The following AGBL4 variants were observed in gnomAD, a reference collection of about 807,000 sequenced individuals.
The protein encoded by AGBL4 is AGBL carboxypeptidase 4.
AGBL4 carries 58 observed loss-of-function variants against 66.4 expected under a neutral mutation model. The ratio of observed to expected loss-of-function variants is 0.87; its 90% confidence interval spans 0.71 to 1.09. The LOEUF is 1.09. AGBL4 is among the 50% of genes least tolerant of loss of function. AGBL4 has a pLI of 0.00. For missense variants in AGBL4, 579 were observed against 631.0 expected (o/e 0.92, Z 0.88); for synonymous variants, 234 against 222.9 (o/e 1.05, Z -0.44).
chr1:48,610,237 G>C (rs1197190374), intron 9 of AGBL4, among the ~76,000 whole-genome samples: 7 of 152,222 alleles, frequency 4.6e-5, no homozygotes, highest in Non-Finnish European at 7.3e-5. Flanking sequence ...TGGACAGTGA[G>C]CTGCCTGAGG....
At chr1:49,322,285 A>T (rs936984464) in intron 3 of AGBL4, among the ~76,000 whole-genome samples, 2 of 152,216 alleles carry the variant, frequency 1.3e-5, no homozygotes, top group Non-Finnish European at 2.9e-5. Flanking sequence ...TACACACATT[A>T]AAAAAATGCC....
chr1:48,853,709 T>C (rs974125623), intron 6 of AGBL4, among the ~76,000 whole-genome samples: 1 of 152,188 alleles, frequency 6.6e-6, no homozygotes, highest in Non-Finnish European at 1.5e-5. Context: ...GATCGTTTTT[T>C]CCTTTATCCT....
the AGBL4 span, among the ~76,000 whole-genome samples, chr1:48,522,574 A>G: frequency 3.9e-5 from 6 of 152,176 alleles, no homozygotes; most frequent in African/African-American, 1.4e-4. Context: ...AGTGTGCTCC[A>G]TGGTGCCTAC....
chr1:49,757,430 T>TG (rs1298055214), intron 2 of AGBL4, among the ~76,000 whole-genome samples: 1 of 152,146 alleles, frequency 6.6e-6, no homozygotes, highest in Admixed American at 6.6e-5. Flanking sequence ...TGGAACAGTT[T>TG]GGAGGGCTCA....
intron 3 of AGBL4, among the ~76,000 whole-genome samples, chr1:49,588,061 T>C (rs878985795): frequency 1.3e-5 from 2 of 152,068 alleles, no homozygotes; most frequent in Admixed American, 1.3e-4. Flanking sequence ...GGCTCCATAC[T>C]CCACACCATG....
At chr1:48,657,216 T>C (rs1325847972) in intron 7 of AGBL4, among the ~76,000 whole-genome samples, 2 of 152,208 alleles carry the variant, frequency 1.3e-5, no homozygotes, top group African/African-American at 2.4e-5. Context: ...TAAGAATTAC[T>C]TGTGGGTTCT....
intron 4 of AGBL4, among the ~76,000 whole-genome samples, chr1:49,239,793 C>T (rs1413269258): frequency 6.6e-6 from 1 of 151,988 alleles, no homozygotes; most frequent in Admixed American, 6.6e-5. Context: ...TGACAAAAAT[C>T]CTTACCCCTA....
chr1:49,011,394 A>T (rs1662394486), intron 5 of AGBL4, among the ~76,000 whole-genome samples: 1 of 152,112 alleles, frequency 6.6e-6, no homozygotes, highest in Non-Finnish European at 1.5e-5. Context: ...GGTGCTGGAG[A>T]GGGTGTGGAG....
chr1:48,792,209 A>C (rs1461232662), intron 6 of AGBL4, among the ~76,000 whole-genome samples: 1 of 152,216 alleles, frequency 6.6e-6, no homozygotes, highest in Non-Finnish European at 1.5e-5. Context: ...GAAGTAATGC[A>C]GCTGCAAGCA....
intron 3 of AGBL4, among the ~76,000 whole-genome samples, chr1:49,261,326 A>C (rs1281114191): frequency 6.6e-6 from 1 of 152,176 alleles, no homozygotes; most frequent in Non-Finnish European, 1.5e-5. Flanking sequence ...AGGCAGGAGA[A>C]GGAAATAAAG....
chr1:48,925,357 T>A (rs1165894595), intron 5 of AGBL4, among the ~76,000 whole-genome samples: 1 of 152,164 alleles, frequency 6.6e-6, no homozygotes, highest in Non-Finnish European at 1.5e-5. Context: ...TAATACCAAA[T>A]ACAATGTAAA....
At chr1:49,716,427 C>T (rs1648142248) in intron 2 of AGBL4, among the ~76,000 whole-genome samples, 1 of 152,040 alleles carries the variant, frequency 6.6e-6, no homozygotes, top group Non-Finnish European at 1.5e-5. Flanking sequence ...ATTGTGTTGG[C>T]TATGCAGGCT....
At chr1:49,412,150 G>A (rs976020542) in intron 3 of AGBL4, among the ~76,000 whole-genome samples, 2 of 151,944 alleles carry the variant, frequency 1.3e-5, no homozygotes, top group Non-Finnish European at 2.9e-5. Flanking sequence ...GTCAGTTTGG[G>A]CTTCTATAAC....
intron 4 of AGBL4, among the ~76,000 whole-genome samples, chr1:49,163,651 A>C (rs909150373): frequency 1.3e-5 from 2 of 152,210 alleles, no homozygotes; most frequent in Non-Finnish European, 2.9e-5. Context: ...TGTATGAACG[A>C]ATTAATAAAC....
chr1:49,199,309 C>T (rs1647496421), intron 4 of AGBL4, among the ~76,000 whole-genome samples: 1 of 152,126 alleles, frequency 6.6e-6, no homozygotes, highest in Non-Finnish European at 1.5e-5. Flanking sequence ...AGCAGCAAGA[C>T]TACTTTTGTA....
chr1:49,486,980 T>G (rs907199652), intron 3 of AGBL4, among the ~76,000 whole-genome samples: 1 of 151,992 alleles, frequency 6.6e-6, no homozygotes, highest in African/African-American at 2.4e-5. Context: ...TAGCTATAAA[T>G]GTTAGAAAAT....
At chr1:49,242,231 C>T (rs1651290972) in intron 4 of AGBL4, among the ~76,000 whole-genome samples, 1 of 151,940 alleles carries the variant, frequency 6.6e-6, no homozygotes, top group East Asian at 1.9e-4. Context: ...AGATCTAGCA[C>T]AGAGTAGATG....
chr1:48,590,977 G>A lies in AGBL4; in HGVS notation c.960C>T (p.Ser320=). 3 of 1,607,904 alleles carry A rather than the reference G, an allele frequency of 1.9e-6. No individual in the cohort carries two copies. Among genetic ancestry groups the A allele is most frequent in the Non-Finnish European group, 2.5e-6 (3 of 1,177,472 alleles). ...IVQMYNDPKT[S]LEFYIDIHAH... ...CATGGATGTCAATATAAAACTCCAG[G>A]CTTGTTTTCTGTTGAGAGAAAGGAT... Residue 320 remains serine, a synonymous_variant, in exon 10 of 14, where the codon AGC becomes AGT. Transcript: ENST00000371839.
At chr1:49,232,630 C>A (rs1650409493) in intron 4 of AGBL4, among the ~76,000 whole-genome samples, 1 of 151,136 alleles carries the variant, frequency 6.6e-6, no homozygotes, top group East Asian at 2.0e-4. Flanking sequence ...ACCCAGGAGG[C>A]AGAGCTTACA....
Sources: gnomAD v4.1 joint callset for allele counts (sites outside exome capture counted in the v4.1 genomes callset) on GRCh38, gnomAD v4.1.1 for gene constraint, MANE v1.5 for transcripts, NCBI Gene and HGNC (gene_info 2026-07-23, HGNC 2026-07-21) for gene names.